Variants in TOX2 observed in about 807,000 individuals in gnomAD.
The protein encoded by TOX2 is TOX high mobility group box family member 2, also known as granulosa cell HMG box 1.
In TOX2, 15 loss-of-function variants were observed where a neutral mutation model predicts 47.4. That is an observed-to-expected ratio of 0.32 (90% confidence interval 0.21 to 0.49). TOX2 has a LOEUF of 0.49. Ranked by LOEUF, TOX2 falls within the 20% of genes least tolerant of loss-of-function variation. The probability of loss-of-function intolerance (pLI) is 0.99; values close to 1 mark genes in which losing one functional copy is unlikely to be tolerated. For synonymous variants in TOX2, 290 were observed against 296.6 expected, an observed-to-expected ratio of 0.98 and a Z score of 0.23; for missense variants, 622 against 673.1, an observed-to-expected ratio of 0.92 and a Z score of 0.84.
At chr20:44,006,437 TTTGCCAAGGGG>T (rs2145600885) in intron 2 of TOX2, 99 bp from the exon 3 acceptor site, 1 of 1,498,566 alleles carries the variant, frequency 6.7e-7, no homozygotes, top group East Asian at 2.3e-5. Context: ...CCTTCTCTCC[TTTGCCAAGGGG>T]TTGCTATCGT....
intron 2 of TOX2, among the ~76,000 whole-genome samples, chr20:43,991,162 G>T (rs1569070650): frequency 6.6e-6 from 1 of 152,216 alleles, no homozygotes. Flanking sequence ...CACACAGCCT[G>T]TCAGAGGTAG....
rs538072273 is a variant in TOX2, at chr20:44,032,553, G to A, written c.412-18753G>A. 3.3e-5 allele frequency among the ~76,000 whole-genome samples: 5 copies of A among 152,304 alleles called. No homozygotes were observed. In the South Asian group the frequency reaches 8.3e-4, roughly 25 times the overall value. ...GAGGGGACTGGAGTTGGGGAGGCCAGAGAGGTGCCAGGTGGTGGTGGTGGT... is the reference window on the plus strand; with the variant it reads ...GAGGGGACTGGAGTTGGGGAGGCCAAAGAGGTGCCAGGTGGTGGTGGTGGT... On this transcript the variant is annotated intron_variant, in intron 3 of 8. Coordinates refer to ENST00000341197, the MANE Select transcript of TOX2 (RefSeq NM_001098797.2).
At chr20:44,039,376 C>T (rs1600769715) in intron 3 of TOX2, 1 of 1,213,554 alleles carries the variant, frequency 8.2e-7, no homozygotes, top group East Asian at 5.7e-5. Flanking sequence ...CATGGCTAGG[C>T]CATTGCTAAG....
chr20:43,962,311 A>T (rs1451794930), intron 1 of TOX2, among the ~76,000 whole-genome samples: 1 of 151,990 alleles, frequency 6.6e-6, no homozygotes, highest in Non-Finnish European at 1.5e-5. Context: ...CTGGGATGGG[A>T]CTCACTGGTG....
At chr20:43,941,464 C>T (rs1600665743) in intron 1 of TOX2, among the ~76,000 whole-genome samples, 1 of 151,982 alleles carries the variant, frequency 6.6e-6, no homozygotes, top group African/African-American at 2.4e-5. Flanking sequence ...TCCTGAGTAG[C>T]TGGGATGACA....
intron 3 of TOX2, among the ~76,000 whole-genome samples, chr20:44,047,135 G>GGAGA (rs2071423241): frequency 6.6e-6 from 1 of 152,070 alleles, no homozygotes; most frequent in African/African-American, 2.4e-5. Context: ...ATTCTCCCTG[G>GGAGA]GAGAAAAATC....
intron 2 of TOX2, among the ~76,000 whole-genome samples, chr20:43,991,196 T>G (rs965413999): frequency 5.3e-5 from 8 of 152,284 alleles, no homozygotes; most frequent in African/African-American, 1.9e-4. Context: ...CATGAGAAGA[T>G]GCTAAGATAA....
At chr20:43,986,285 A>ATGTATGTATGTATGTATGTATGTG (rs1555836350) in intron 2 of TOX2, among the ~76,000 whole-genome samples, 2,616 of 151,530 alleles carry the variant, frequency 0.017, 42 homozygotes, top group Non-Finnish European at 0.025. Flanking sequence ...GTATGTATGT[A>ATGTATGTATGTATGTATGTATGTG]TGTGTGTATT....
rs1394635955 is a variant in TOX2 at position 44,053,465 on chromosome 20, C to T, written c.652-834C>T. Among the ~76,000 whole-genome samples the T allele has an allele frequency of 6.8e-4, 101 of 149,130 alleles. 1 individual carries two copies. The highest frequency in any genetic ancestry group is 2.5e-3 in the African/African-American group (98 of 39,912). The stretch of plus-strand genomic sequence containing the variant: ...ACACACACACACACACACACACACA[C>T]ACACACATATATATATACACACATA... On this transcript the variant is annotated intron_variant, in intron 4 of 8. Coordinates refer to ENST00000341197, the MANE Select transcript of TOX2 (RefSeq NM_001098797.2).
chr20:43,954,707 C>G (rs368120047), intron 1 of TOX2, among the ~76,000 whole-genome samples: 1 of 152,160 alleles, frequency 6.6e-6, no homozygotes, highest in Admixed American at 6.5e-5. Context: ...TTGCACCTGG[C>G]CTTGACCCAC....
intron 1 of TOX2, among the ~76,000 whole-genome samples, chr20:43,955,593 C>T (rs2069654008): frequency 6.6e-6 from 1 of 152,166 alleles, no homozygotes; most frequent in Non-Finnish European, 1.5e-5. Flanking sequence ...TTGCAAATTG[C>T]ATGAGTCACC....
chr20:43,928,643 T>G (rs1240947605), intron 1 of TOX2, among the ~76,000 whole-genome samples: 1 of 152,230 alleles, frequency 6.6e-6, no homozygotes, highest in Admixed American at 6.5e-5. Flanking sequence ...TGTCTGACGC[T>G]CTGTCAACAC....
intron 5 of TOX2, among the ~76,000 whole-genome samples, chr20:44,062,751 C>G (rs2071742906): frequency 1.3e-5 from 2 of 152,080 alleles, no homozygotes; most frequent in Admixed American, 6.5e-5. Flanking sequence ...AACTATATGG[C>G]CATAGTCACC....
At chr20:44,025,040 G>T (rs2071038600) in intron 3 of TOX2, among the ~76,000 whole-genome samples, 1 of 152,134 alleles carries the variant, frequency 6.6e-6, no homozygotes. Context: ...CATCATATGG[G>T]TGTTTCATCA....
At chr20:44,036,290 G>A (rs2071238104) in intron 3 of TOX2, among the ~76,000 whole-genome samples, 1 of 152,238 alleles carries the variant, frequency 6.6e-6, no homozygotes, top group South Asian at 2.1e-4. Flanking sequence ...AGCACACTGA[G>A]TAGGTGTTCA....
intron 5 of TOX2, among the ~76,000 whole-genome samples, chr20:44,057,477 G>GTGAGAAAATAAT (rs2071641508): frequency 6.6e-6 from 1 of 151,614 alleles, no homozygotes; most frequent in African/African-American, 2.4e-5. Flanking sequence ...AAGAGAGGTA[G>GTGAGAAAATAAT]TGAGAAAATA....
chr20:44,067,110 GT>G (rs1007321736), intron 8 of TOX2, among the ~76,000 whole-genome samples: 3 of 152,314 alleles, frequency 2.0e-5, no homozygotes, highest in East Asian at 1.9e-4. Flanking sequence ...CCTTGCTCCT[GT>G]TTTTTTCACA....
chr20:44,023,431 GAAAAA>G (rs35627597), intron 3 of TOX2, among the ~76,000 whole-genome samples: 12 of 119,146 alleles, frequency 1.0e-4, no homozygotes, highest in East Asian at 2.4e-4. Flanking sequence ...CTTTATCTCA[GAAAAA>G]AAAAAAAAAA....
chr20:43,979,070 T>C (rs2070128490), intron 2 of TOX2, among the ~76,000 whole-genome samples: 2 of 152,182 alleles, frequency 1.3e-5, no homozygotes, highest in Admixed American at 6.5e-5. Flanking sequence ...TTTTCAGGCA[T>C]GGTGGTACCA....
Sources: gnomAD v4.1 joint callset for allele counts (sites outside exome capture counted in the v4.1 genomes callset) on GRCh38, gnomAD v4.1.1 for gene constraint, MANE v1.5 for transcripts, NCBI Gene and HGNC (gene_info 2026-07-23, HGNC 2026-07-21) for gene names.